SMYD3: variants seen among roughly 807,000 people sequenced by gnomAD.
SMYD3 encodes the protein SET and MYND domain containing 3.
SMYD3 carries 36 observed loss-of-function variants against 57.7 expected under a neutral mutation model. The ratio of observed to expected loss-of-function variants is 0.62; its 90% confidence interval spans 0.48 to 0.82. The LOEUF (loss-of-function observed/expected upper bound fraction) is 0.82. SMYD3 is among the 40% of genes least tolerant of loss of function. SMYD3 has a pLI of 0.00. For synonymous variants in SMYD3, 211 were observed against 195.0 expected (o/e 1.08, Z -0.68); for missense variants, 515 against 538.8 (o/e 0.96, Z 0.44).
chr1:246,492,089 T>C (rs1014991615), intron 1 of SMYD3, among the ~76,000 whole-genome samples: 5 of 152,204 alleles, frequency 3.3e-5, no homozygotes, highest in African/African-American at 7.2e-5. Context: ...AGAGAAAAAG[T>C]TGAGACTCAT....
intron 8 of SMYD3, among the ~76,000 whole-genome samples, chr1:245,880,150 T>C (rs942513026): frequency 2.6e-5 from 4 of 152,374 alleles, no homozygotes; most frequent in African/African-American, 2.4e-5. Context: ...TGCACACCGC[T>C]GCTGTCTCTA....
At chr1:246,496,040 T>A (rs1372487495) in intron 1 of SMYD3, among the ~76,000 whole-genome samples, 1 of 151,900 alleles carries the variant, frequency 6.6e-6, no homozygotes, top group Non-Finnish European at 1.5e-5. Context: ...TTTGTTGTTG[T>A]TGTTGTTATT....
chr1:245,962,159 G>A (rs183129490), intron 5 of SMYD3, among the ~76,000 whole-genome samples: 107 of 152,240 alleles, frequency 7.0e-4, no homozygotes, highest in African/African-American at 2.5e-3. Context: ...AAAGGTCGAT[G>A]TTAGGGGAGA....
chr1:246,485,293 CAT>C (rs1299270921), intron 1 of SMYD3, among the ~76,000 whole-genome samples: 1 of 152,114 alleles, frequency 6.6e-6, no homozygotes, highest in East Asian at 1.9e-4. Context: ...CACCTGAAAA[CAT>C]ATCACTTCAA....
chr1:246,022,191 C>T (rs901352067), intron 5 of SMYD3, among the ~76,000 whole-genome samples: 1 of 152,210 alleles, frequency 6.6e-6, no homozygotes, highest in African/African-American at 2.4e-5. Flanking sequence ...GAGGCCATCA[C>T]CTCTTTGCAC....
intron 5 of SMYD3, among the ~76,000 whole-genome samples, chr1:246,002,263 C>A (rs901055005): frequency 4.3e-5 from 6 of 138,560 alleles, no homozygotes; most frequent in Non-Finnish European, 6.4e-5. Context: ...CGGCTCACTG[C>A]AAGCTCCGCC....
intron 1 of SMYD3, among the ~76,000 whole-genome samples, chr1:246,457,551 AAAG>A (rs2067721294): frequency 2.5e-3 from 237 of 96,138 alleles, no homozygotes; most frequent in African/African-American, 6.3e-3. Flanking sequence ...AAAAAAAAGA[AAAG>A]AAAAGAAAAG....
chr1:246,087,472 G>T (rs973050185), intron 5 of SMYD3, among the ~76,000 whole-genome samples: 1 of 152,022 alleles, frequency 6.6e-6, no homozygotes, highest in Non-Finnish European at 1.5e-5. Flanking sequence ...ACCATTAGTT[G>T]TTCTTTTCCT....
intron 5 of SMYD3, chr1:246,034,356 C>T (rs1206222796): frequency 6.6e-6 from 1 of 152,158 alleles, no homozygotes; most frequent in East Asian, 1.9e-4. Flanking sequence ...CAGGTGCCAA[C>T]TAATTTCTTC....
At chr1:245,806,544 C>G (rs1368120199) in intron 10 of SMYD3, among the ~76,000 whole-genome samples, 1 of 152,176 alleles carries the variant, frequency 6.6e-6, no homozygotes, top group Non-Finnish European at 1.5e-5. Flanking sequence ...ATTGCAGGAA[C>G]TTGGCCCTAA....
At position 246,418,781 on chromosome 1, in the gene SMYD3, G is replaced by A. The variant is rs144071756; in HGVS notation, c.165-63687C>T. ...TTCTGCTGGCCGACGGCCTCCCAGC[G>A]TGCTGGCATCTGTTGCTGTGCTCTT... On this transcript the variant is annotated intron_variant, in intron 1 of 11. Transcript: ENST00000490107. Among the ~76,000 whole-genome samples, 216 of 152,242 alleles carry A rather than the reference G, an allele frequency of 1.4e-3. 1 individual carries two copies. The East Asian group carries it at 0.025, about 17-fold the overall frequency.
At chr1:246,457,235 CATAAA>C (rs1480643898) in intron 1 of SMYD3, among the ~76,000 whole-genome samples, 1 of 151,972 alleles carries the variant, frequency 6.6e-6, no homozygotes, top group African/African-American at 2.4e-5. Context: ...AAAATAAAAA[CATAAA>C]ATAAAATAAT....
At chr1:245,941,750 T>C (rs2057254063) in intron 5 of SMYD3, among the ~76,000 whole-genome samples, 1 of 152,128 alleles carries the variant, frequency 6.6e-6, no homozygotes, top group South Asian at 2.1e-4. Flanking sequence ...CTCCAACTCC[T>C]GACCTCAAGT....
At chr1:246,283,227 T>C (rs1324017031) in intron 5 of SMYD3, among the ~76,000 whole-genome samples, 1 of 152,228 alleles carries the variant, frequency 6.6e-6, no homozygotes. Flanking sequence ...CTTGGGCATG[T>C]CATCTACTTT....
intron 5 of SMYD3, among the ~76,000 whole-genome samples, chr1:246,241,933 G>A (rs1391906848): frequency 6.6e-6 from 1 of 152,072 alleles, no homozygotes. Context: ...GGGGTCAGTG[G>A]TGATACCCCC....
At chr1:246,058,098 G>C (rs897790378) in intron 5 of SMYD3, among the ~76,000 whole-genome samples, 1 of 152,202 alleles carries the variant, frequency 6.6e-6, no homozygotes, top group Non-Finnish European at 1.5e-5. Context: ...AGAGTTGAGA[G>C]AGAGATGAAC....
chr1:246,269,571 T>C lies in SMYD3; in HGVS notation c.531+57630A>G, dbSNP rs184316975. On this transcript the variant is annotated intron_variant, in intron 5 of 11. Transcript: ENST00000490107. Reference sequence around the variant, plus strand: ...TTTTTTTTTTGTTTTTGTTGTTTTGTTTTGTTTTGTTTTTTGAGGCAGGCT... The same window carrying C: ...TTTTTTTTTTGTTTTTGTTGTTTTGCTTTGTTTTGTTTTTTGAGGCAGGCT... Among the ~76,000 whole-genome samples the C allele has an allele frequency of 4.0e-5, 6 of 150,940 alleles. No homozygotes were observed. The East Asian group carries it at 1.2e-3, about 29-fold the overall frequency.
At chr1:246,013,855 C>T (rs1250066250) in intron 5 of SMYD3, among the ~76,000 whole-genome samples, 1 of 152,146 alleles carries the variant, frequency 6.6e-6, no homozygotes, top group East Asian at 1.9e-4. Context: ...TTCCTGCTTT[C>T]TGAGATGAGA....
At chr1:246,153,328 T>C (rs1403552322) in intron 5 of SMYD3, among the ~76,000 whole-genome samples, 1 of 150,124 alleles carries the variant, frequency 6.7e-6, no homozygotes. Flanking sequence ...CCTACAGTCA[T>C]AACCTGGACT....
Sources: gnomAD v4.1 joint callset for allele counts (sites outside exome capture counted in the v4.1 genomes callset) on GRCh38, gnomAD v4.1.1 for gene constraint, MANE v1.5 for transcripts, NCBI Gene and HGNC (gene_info 2026-07-23, HGNC 2026-07-21) for gene names.